CDC25B: variants seen among roughly 807,000 people sequenced by gnomAD.
CDC25B encodes the protein cell division cycle 25B, also known as M-phase inducer phosphatase 2.
Under a neutral mutation model 69.8 loss-of-function variants are expected in CDC25B, and 33 were observed. The ratio of observed to expected loss-of-function variants is 0.47; its 90% CI spans 0.36 to 0.63. CDC25B has a LOEUF of 0.63. CDC25B is among the 30% of genes least tolerant of loss of function. The probability of loss-of-function intolerance (pLI) is 0.00; values close to 1 mark genes in which losing one functional copy is unlikely to be tolerated. For missense variants in CDC25B, 727 were observed against 809.1 expected (o/e 0.90, Z 1.23); for synonymous variants, 341 against 314.6 (o/e 1.08, Z -0.89).
In CDC25B at chr20:3,796,320, C is replaced by G. The variant is rs922669908; in HGVS notation, c.-212C>G. On this transcript the variant is annotated 5_prime_UTR_variant, in exon 1 of 16. Coordinates refer to ENST00000245960, the MANE Select transcript of CDC25B (RefSeq NM_021873.4). The stretch of plus-strand genomic sequence containing the variant: ...GTGGCAGCTGCAACTAGAGGCTTCC[C>G]TGGCTGGTGCCTGAGCCCGGCGTCC... 212 of 1,368,254 alleles carry G rather than the reference C, an allele frequency of 1.5e-4. 1 individual carries two copies. Among genetic ancestry groups the G allele is most frequent in the Non-Finnish European group, 1.8e-4 (197 of 1,068,712 alleles). The allele number at this position is 1,368,254 out of a possible 1,614,324, so 84.8% of individuals were successfully genotyped here.
upstream of CDC25B, chr20:3,796,141 T>C (rs1193414201): frequency 2.2e-5 from 24 of 1,088,786 alleles, no homozygotes; most frequent in Non-Finnish European, 2.7e-5. Flanking sequence ...TAAATCTTAA[T>C]TCCTCCGGCC....
At chr20:3,797,483 G>A (rs1364190894) in intron 1 of CDC25B, 139 bp from the exon 2 acceptor site, 1 of 1,079,854 alleles carries the variant, frequency 9.3e-7, no homozygotes, top group East Asian at 2.4e-5. Flanking sequence ...TGAGAAGAGG[G>A]GGCCCTCAGG....
chr20:3,805,973 GA>G lies in CDC25B; in HGVS notation c.*1015del, dbSNP rs1379168403. 2.0e-5 allele frequency: 8 copies of G among 400,610 alleles called. No homozygotes were observed. The highest frequency in any genetic ancestry group is 3.5e-5 in the Non-Finnish European group (8 of 226,770). The allele number at this position is 400,610 out of a possible 1,614,324, so 24.8% of individuals were successfully genotyped here. A position where few individuals can be genotyped will look rare whatever the true frequency, so the allele number is the denominator to read the frequency against. Reference sequence around the variant, plus strand: ...CTTAGGGTTTGGAGCTATTCAAGAGGAAATGTCACAGAAGCAGCTAAACCAA... The same window carrying G: ...CTTAGGGTTTGGAGCTATTCAAGAGGAATGTCACAGAAGCAGCTAAACCAA... On this transcript the variant is annotated 3_prime_UTR_variant, in exon 16 of 16. Coordinates refer to ENST00000245960, the MANE Select transcript of CDC25B (RefSeq NM_021873.4).
rs961178536 is a variant in CDC25B at position 3,800,970 on chromosome 20, G to A, written c.583-1G>A. 1.1e-5 allele frequency: 18 copies of A among 1,614,004 alleles called. No homozygotes were observed. The highest frequency in any genetic ancestry group is 1.5e-5 in the Non-Finnish European group (18 of 1,179,890). Reference sequence around the variant, plus strand: ...ACCCTCCTCTCCCATCTTGGCTGCAGGATGGATTTGTCTTCAAGATGCCAT... The same window carrying A: ...ACCCTCCTCTCCCATCTTGGCTGCAAGATGGATTTGTCTTCAAGATGCCAT... On this transcript the variant is annotated splice_acceptor_variant, in intron 6 of 15. Transcript: ENST00000245960. LOFTEE classifies it high-confidence loss of function.
At position 3,796,560 on chromosome 20, in the gene CDC25B, C is replaced by T; in HGVS notation, c.29C>T (p.Pro10Leu). 3 of 1,477,296 alleles carry T rather than the reference C, an allele frequency of 2.0e-6. No individual in the cohort carries two copies. The highest frequency in any genetic ancestry group is 2.7e-6 in the Non-Finnish European group (3 of 1,121,054). 91.5% of individuals were successfully genotyped at this position (1,477,296 alleles called of 1,614,324 possible). A position where few individuals can be genotyped will look rare whatever the true frequency, so the allele number is the denominator to read the frequency against. The change falls in exon 1 of 16, where the codon CCA becomes CTA. Residue 10 changes from proline to leucine, a missense_variant. Physicochemically the swap from Pro to Leu is moderately conservative, Grantham distance 98. Coordinates refer to ENST00000245960, the MANE Select transcript of CDC25B (RefSeq NM_021873.4). MEVPQPEPAPGSALSPAGVC... is the reference protein window; with the variant it reads MEVPQPEPALGSALSPAGVC... ...GAGGTGCCCCAGCCGGAGCCCGCGC[C>T]AGGCTCGGCTCTCAGTCCAGCAGGC...
intron 2 of CDC25B, 75 bp from the exon 3 acceptor site, chr20:3,798,337 T>A: frequency 3.4e-6 from 2 of 594,244 alleles, no homozygotes; most frequent in Non-Finnish European, 5.2e-6. Context: ...TTTTTTTTTT[T>A]CATATTGGGA....
chr20:3,790,612 C>T (rs1341801139), intron 1 of CDC25B, among the ~76,000 whole-genome samples: 1 of 151,832 alleles, frequency 6.6e-6, no homozygotes, highest in Non-Finnish European at 1.5e-5. Context: ...ACGAGGTCAC[C>T]CAGGCTAGAG....
chr20:3,802,192 G>A, intron 10 of CDC25B, 89 bp from the exon 11 acceptor site: 1 of 1,553,778 alleles, frequency 6.4e-7, no homozygotes. Flanking sequence ...TGGCAGCCTG[G>A]GCATGGCAGA....
At chr20:3,800,656 A>C in intron 5 of CDC25B, 87 bp from the exon 6 acceptor site, 1 of 1,594,550 alleles carries the variant, frequency 6.3e-7, no homozygotes, top group Non-Finnish European at 8.5e-7. Context: ...GAGGAGCTGG[A>C]GGAGAGGTGG....
rs2089045395 is a variant in CDC25B at position 3,796,418 on chromosome 20, T to TCCTCC, written c.-112_-111insTCCCC. 6.9e-6 allele frequency: 1 copy of TCCTCC among 145,030 alleles called. No homozygotes were observed. The highest frequency in any genetic ancestry group is 1.8e-4 in the African/African-American group (1 of 5,586). The allele number at this position is 145,030 out of a possible 1,614,324, so 9.0% of individuals were successfully genotyped here. On this transcript the variant is annotated 5_prime_UTR_variant, in exon 1 of 16. Transcript: ENST00000245960. ...CTGTGGCTCTTCCTCCCTCCCTCCT[T>TCCTCC]CCCCCCCCCCCCACCCCTCGCCCGC...
At position 3,803,620 on chromosome 20, in the gene CDC25B, G is replaced by A; in HGVS notation, c.1490+83G>A. The A allele has an allele frequency of 1.3e-6, 2 of 1,566,180 alleles. No individual in the cohort carries two copies. Among genetic ancestry groups the A allele is most frequent in the Admixed American group, 1.7e-5 (1 of 59,142 alleles). Reference sequence around the variant, plus strand: ...TCACAGGTGCTGGCACCATTGAGATGGCCAGGGGTGCAAGTCCAGGTCCTC... The same window carrying A: ...TCACAGGTGCTGGCACCATTGAGATAGCCAGGGGTGCAAGTCCAGGTCCTC... On this transcript the variant is annotated intron_variant, in intron 14 of 15. Coordinates refer to ENST00000245960, the MANE Select transcript of CDC25B (RefSeq NM_021873.4). The surrounding 1 kb of genome is among the most constrained non-coding windows in gnomAD (Gnocchi z 4.9).
At chr20:3,801,609 C>A in intron 8 of CDC25B, 113 bp from the exon 9 acceptor site, 1 of 1,090,672 alleles carries the variant, frequency 9.2e-7, no homozygotes, top group Non-Finnish European at 1.3e-6. Flanking sequence ...CTTCTCACCC[C>A]AACCTGGAGT....
In CDC25B at chr20:3,804,835, C is replaced by T. The variant is rs374526361; in HGVS notation, c.1617C>T (p.Pro539=). The change falls in exon 16 of 16, where the codon CCC becomes CCT. Residue 539 remains proline, a synonymous_variant. Coordinates refer to ENST00000245960, the MANE Select transcript of CDC25B (RefSeq NM_021873.4). ...TCCTGCCCTAGAACTTCTGTGAACCCCAGGACTACCGGCCCATGAACCACG... is the reference window on the plus strand; with the variant it reads ...TCCTGCCCTAGAACTTCTGTGAACCTCAGGACTACCGGCCCATGAACCACG... ...FFPQHPNFCE[P]QDYRPMNHEA... 2.5e-5 allele frequency: 41 copies of T among 1,614,064 alleles called. No homozygotes were observed. The highest frequency in any genetic ancestry group is 3.3e-5 in the Non-Finnish European group (39 of 1,180,018).
chr20:3,796,120 A>G (rs1214168738), upstream of CDC25B: 12 of 1,036,924 alleles, frequency 1.2e-5, no homozygotes, highest in Non-Finnish European at 2.3e-6. Context: ...GGGATGTGCG[A>G]GGGTGTGGGA....
At chr20:3,799,484 C>CTGTG (rs60482329) in intron 3 of CDC25B, among the ~76,000 whole-genome samples, 24,441 of 131,248 alleles carry the variant, frequency 0.19, 2,504 homozygotes, top group Non-Finnish European at 0.25. Flanking sequence ...TTCTCAGAAG[C>CTGTG]TGTGTGTGTG....
At position 3,805,987 on chromosome 20, in the gene CDC25B, G is replaced by A; in HGVS notation, c.*1026G>A. 2.5e-6 allele frequency: 1 copy of A among 399,920 alleles called. No homozygotes were observed. The highest frequency in any genetic ancestry group is 4.4e-6 in the Non-Finnish European group (1 of 226,498). The allele number at this position is 399,920 out of a possible 1,614,324, so 24.8% of individuals were successfully genotyped here. A position where few individuals can be genotyped will look rare whatever the true frequency, so the allele number is the denominator to read the frequency against. ...CTATTCAAGAGGAAATGTCACAGAA[G>A]CAGCTAAACCAAGGACTGAGCACCC... On this transcript the variant is annotated 3_prime_UTR_variant, in exon 16 of 16. Transcript: ENST00000245960.
intron 1 of CDC25B, chr20:3,787,167 T>A (rs1366440980): frequency 3.0e-6 from 2 of 659,194 alleles, no homozygotes; most frequent in African/African-American, 3.7e-5. Context: ...TTCCTTCCAG[T>A]CTTTTCTCTA....
At position 3,804,981 on chromosome 20, in the gene CDC25B, CT is replaced by C; in HGVS notation, c.*21del. Reference sequence around the variant, plus strand: ...CAGTGAGGGGCCTGCGCCAGTCCTGCTACCTCCCTTGCCTTTCGAGGCCTGA... The same window carrying C: ...CAGTGAGGGGCCTGCGCCAGTCCTGCACCTCCCTTGCCTTTCGAGGCCTGA... On this transcript the variant is annotated 3_prime_UTR_variant, in exon 16 of 16. Transcript: ENST00000245960. 6.2e-7 allele frequency: 1 copy of C among 1,607,196 alleles called. No individual in the cohort carries two copies. Among genetic ancestry groups the C allele is most frequent in the South Asian group, 1.1e-5 (1 of 90,922 alleles).
rs1332035758 is a variant in CDC25B, at chr20:3,804,598, C to A, written c.1520C>A (p.Ala507Asp). 1 of 1,613,882 alleles carries A rather than the reference C, an allele frequency of 6.2e-7. No homozygotes were observed. The highest frequency in any genetic ancestry group is 8.5e-7 in the Non-Finnish European group (1 of 1,179,860). The change falls in exon 15 of 16, where the codon GCT becomes GAT. Residue 507 changes from alanine (A) to aspartate (D), a missense_variant. By Grantham distance (126) the Ala-to-Asp change is moderately radical (BLOSUM62 -2). Transcript: ENST00000245960. ...CGTTTCATCAGGGAACGAGACCGTG[C>A]TGTCAACGACTACCCCAGCCTCTAC... is the stretch of plus-strand genomic sequence containing the variant. ...MCRFIRERDR[A>D]VNDYPSLYYP...
Sources: allele counts gnomAD v4.1 joint callset (sites outside exome capture counted in the v4.1 genomes callset), GRCh38; gene constraint gnomAD v4.1.1; non-coding constraint Gnocchi (gnomAD v3.1); transcripts MANE v1.5; gene names NCBI Gene and HGNC (gene_info 2026-07-23, HGNC 2026-07-21).